GRK5: variants seen among roughly 807,000 people sequenced by gnomAD.
GRK5 encodes the protein G protein-coupled receptor kinase 5, also known as g protein-coupled receptor kinase GRK5.
A neutral mutation model predicts 78.4 loss-of-function variants in GRK5; 40 were observed. The ratio of observed to expected loss-of-function variants is 0.51; its 90% CI spans 0.40 to 0.66. GRK5 has a LOEUF of 0.66. Ranked by LOEUF, GRK5 falls within the 30% of genes least tolerant of loss-of-function variation. The pLI, the probability that GRK5 is intolerant of heterozygous loss-of-function variation, is 0.00. For synonymous variants in GRK5, 289 were observed against 296.8 expected (o/e 0.97, Z 0.27); for missense variants, 598 against 759.9 (o/e 0.79, Z 2.50).
intron 15 of GRK5, among the ~76,000 whole-genome samples, 167 bp downstream of exon 15, chr10:119,453,443 G>C (rs111248564): frequency 8.5e-5 from 13 of 152,260 alleles, no homozygotes; most frequent in African/African-American, 3.1e-4. Context: ...TGATACCCAC[G>C]GCAGCTGATG....
chr10:119,453,973 G>A (rs1372912446), intron 15 of GRK5, among the ~76,000 whole-genome samples: 4 of 151,956 alleles, frequency 2.6e-5, no homozygotes, highest in Non-Finnish European at 5.9e-5. Flanking sequence ...ACACCATGAA[G>A]GTGGCCACCA....
intron 1 of GRK5, among the ~76,000 whole-genome samples, chr10:119,245,338 A>G (rs1849090619): frequency 6.6e-6 from 1 of 152,180 alleles, no homozygotes; most frequent in Admixed American, 6.6e-5. Flanking sequence ...TGTTCATTGC[A>G]GCATTATTCA....
chr10:119,265,002 G>C (rs1254559752), intron 1 of GRK5, among the ~76,000 whole-genome samples: 1 of 152,198 alleles, frequency 6.6e-6, no homozygotes, highest in Non-Finnish European at 1.5e-5. Context: ...ACTCCGTGCT[G>C]AGCTGGTTGG....
intron 2 of GRK5, among the ~76,000 whole-genome samples, chr10:119,334,105 A>G (rs577140513): frequency 2.0e-5 from 3 of 152,302 alleles, no homozygotes; most frequent in South Asian, 4.1e-4. Flanking sequence ...GCACTGAGAC[A>G]GATTCCTAGG....
chr10:119,335,715 C>T (rs752727950), intron 2 of GRK5, among the ~76,000 whole-genome samples: 1 of 152,256 alleles, frequency 6.6e-6, no homozygotes, highest in Non-Finnish European at 1.5e-5. Context: ...TTAAGCTCCT[C>T]CTCTGTGCTA....
intron 2 of GRK5, among the ~76,000 whole-genome samples, chr10:119,376,756 A>G (rs1282061854): frequency 6.6e-6 from 1 of 151,970 alleles, no homozygotes; most frequent in African/African-American, 2.4e-5. Context: ...TAGTAGAGAC[A>G]GGGTTTCACT....
intron 1 of GRK5, among the ~76,000 whole-genome samples, chr10:119,313,978 G>A (rs959139833): frequency 6.6e-6 from 1 of 152,210 alleles, no homozygotes; most frequent in Non-Finnish European, 1.5e-5. Context: ...GATGCCCCGG[G>A]CCGCCCCACG....
At chr10:119,273,109 A>G (rs923586201) in intron 1 of GRK5, among the ~76,000 whole-genome samples, 2 of 152,254 alleles carry the variant, frequency 1.3e-5, no homozygotes, top group African/African-American at 4.8e-5. Flanking sequence ...GAACAAAACC[A>G]GACCGGCGAT....
At chr10:119,272,299 G>A (rs11198852) in intron 1 of GRK5, among the ~76,000 whole-genome samples, 37,129 of 152,176 alleles carry the variant, frequency 0.24, 5,030 homozygotes, top group Admixed American at 0.3. Flanking sequence ...GCATGAGGCC[G>A]GGCGTGGTGG....
intron 4 of GRK5, among the ~76,000 whole-genome samples, chr10:119,416,246 C>T (rs1852449069): frequency 6.6e-6 from 1 of 152,252 alleles, no homozygotes; most frequent in Non-Finnish European, 1.5e-5. Flanking sequence ...AATGATGTCC[C>T]TTCCTCACGT....
Position 119,457,877 on chromosome 10 carries a change from G to C in GRK5, c.*2810G>C, listed in dbSNP as rs960448058. The C allele has an allele frequency of 1.1e-4, 1 of 8,794 alleles. No homozygotes were observed. Among genetic ancestry groups the C allele is most frequent in the East Asian group, 1.9e-3 (1 of 514 alleles). 0.5% of individuals were successfully genotyped at this position (8,794 alleles called of 1,614,324 possible). ...AATTTTTAAAATTTTTTGTAGAGAT[G>C]GGGGGGGGGTCTCCCCATGTTGCCC... is the stretch of plus-strand genomic sequence containing the variant. On this transcript the variant is annotated 3_prime_UTR_variant, in exon 16 of 16. Transcript: ENST00000392870.
intron 8 of GRK5, among the ~76,000 whole-genome samples, chr10:119,432,290 A>G (rs1026227979): frequency 6.6e-6 from 1 of 152,188 alleles, no homozygotes; most frequent in African/African-American, 2.4e-5. Flanking sequence ...ACACACTGTT[A>G]TAAAAAATAA....
intron 13 of GRK5, among the ~76,000 whole-genome samples, chr10:119,450,507 C>A (rs1305972104): frequency 1.3e-5 from 2 of 152,188 alleles, no homozygotes; most frequent in Non-Finnish European, 2.9e-5. Flanking sequence ...AGTAGCGGGG[C>A]CTCCGTGCGT....
At chr10:119,417,953 C>T (rs1204289925) in intron 4 of GRK5, among the ~76,000 whole-genome samples, 15 of 152,208 alleles carry the variant, frequency 9.9e-5, no homozygotes, top group Non-Finnish European at 2.2e-4. Flanking sequence ...TCACAGATAT[C>T]AGGAACTGCC....
At chr10:119,393,733 T>C (rs1011505789) in intron 3 of GRK5, among the ~76,000 whole-genome samples, 6 of 152,214 alleles carry the variant, frequency 3.9e-5, no homozygotes, top group African/African-American at 1.4e-4. Flanking sequence ...TTGCTAGCTG[T>C]GCTGTATTGG....
intron 2 of GRK5, among the ~76,000 whole-genome samples, chr10:119,362,777 G>C (rs957090388): frequency 6.6e-6 from 1 of 152,236 alleles, no homozygotes; most frequent in Non-Finnish European, 1.5e-5. Context: ...CTGAAGATCA[G>C]GTGGGTACAT....
intron 1 of GRK5, among the ~76,000 whole-genome samples, chr10:119,291,516 C>CTCCTCCTCT (rs1335948453): frequency 1.5e-5 from 2 of 130,884 alleles, no homozygotes; most frequent in East Asian, 4.3e-4. Flanking sequence ...CTGCCTCCTC[C>CTCCTCCTCT]TCCTCCTCTT....
At chr10:119,359,363 C>G (rs1003420227) in intron 2 of GRK5, among the ~76,000 whole-genome samples, 1 of 152,234 alleles carries the variant, frequency 6.6e-6, no homozygotes, top group African/African-American at 2.4e-5. Flanking sequence ...GCCACTTTCT[C>G]TCCATGGTTA....
chr10:119,389,274 T>A (rs1851847969), intron 3 of GRK5, among the ~76,000 whole-genome samples: 1 of 152,230 alleles, frequency 6.6e-6, no homozygotes, highest in African/African-American at 2.4e-5. Flanking sequence ...GAAATTTTAT[T>A]GTGAAATGAT....
Sources: gnomAD v4.1 joint callset for allele counts (sites outside exome capture counted in the v4.1 genomes callset) on GRCh38, gnomAD v4.1.1 for gene constraint, MANE v1.5 for transcripts, NCBI Gene and HGNC (gene_info 2026-07-23, HGNC 2026-07-21) for gene names.